Variants in TOGARAM2 observed in about 807,000 individuals in gnomAD.
TOGARAM2 encodes the protein TOG array regulator of axonemal microtubules protein 2.
In TOGARAM2, 85 loss-of-function variants were observed where a neutral mutation model predicts 93.3. The ratio of observed to expected loss-of-function variants is 0.91; its 90% CI spans 0.76 to 1.09. The LOEUF (loss-of-function observed/expected upper bound fraction) is 1.09, where lower values mean the gene tolerates loss of function less well. TOGARAM2 is among the 50% of genes least tolerant of loss of function. TOGARAM2 has a pLI of 0.00. For synonymous variants in TOGARAM2, 593 were observed against 552.8 expected, an observed-to-expected ratio of 1.07 and a Z score of -1.02; for missense variants, 1,277 against 1,334.5, an observed-to-expected ratio of 0.96 and a Z score of 0.67.
At position 29,027,439 on chromosome 2, in the gene TOGARAM2, T is replaced by C. The variant is rs1462480276; in HGVS notation, c.2012+428T>C. On this transcript the variant is annotated intron_variant, in intron 14 of 19. Transcript: ENST00000379558. ...AGGGAGACAGATAATAAATAAATAA[T>C]TATGGTAATTTTAGATACATATCAG... Among the ~76,000 whole-genome samples, 3 of 152,100 alleles carry C rather than the reference T, an allele frequency of 2.0e-5. No homozygotes were observed. The East Asian group carries it at 5.8e-4, about 29-fold the overall frequency.
chr2:29,036,420 C>A, intron 17 of TOGARAM2, 121 bp from the exon 18 acceptor site: 1 of 801,786 alleles, frequency 1.2e-6, no homozygotes, highest in Non-Finnish European at 2.0e-6. Flanking sequence ...AGGTCAGGGA[C>A]GCAGGAGGAG....
At chr2:29,022,532 G>A (rs957209608) in intron 11 of TOGARAM2, among the ~76,000 whole-genome samples, 3 of 152,194 alleles carry the variant, frequency 2.0e-5, no homozygotes, top group Admixed American at 1.3e-4. Flanking sequence ...TGTGCCCTGC[G>A]ACCCTCCAAG....
chr2:29,047,816 G>C (rs562967915), intron 19 of TOGARAM2: 1 of 152,010 alleles, frequency 6.6e-6, no homozygotes, highest in Non-Finnish European at 1.5e-5. Flanking sequence ...GTGTAAACAC[G>C]CCTCACTCTG....
At chr2:29,004,958 GTA>G (rs1491568478) in intron 6 of TOGARAM2, among the ~76,000 whole-genome samples, 3 of 134,804 alleles carry the variant, frequency 2.2e-5, no homozygotes, top group Non-Finnish European at 3.1e-5. Context: ...GTGTGCATGT[GTA>G]TGTGTGTGAG....
chr2:28,969,812 CTTT>C (rs66931912), intron 1 of TOGARAM2, among the ~76,000 whole-genome samples: 3 of 127,862 alleles, frequency 2.3e-5, no homozygotes, highest in Non-Finnish European at 3.2e-5. Flanking sequence ...GGTTGTCTTC[CTTT>C]TTTTTTTTTT....
rs530918435 is a variant in TOGARAM2, at chr2:28,974,736, C to T, written c.-147+18039C>T. 2.6e-5 allele frequency among the ~76,000 whole-genome samples: 4 copies of T among 152,164 alleles called. No individual in the cohort carries two copies. The South Asian group carries it at 8.3e-4, about 32-fold the overall frequency. Reference sequence around the variant, plus strand: ...TCAAGTGATTCTCCTGCCTCAGCCTCTTGAGTAGCTGGGATTATAGGCATG... The same window carrying T: ...TCAAGTGATTCTCCTGCCTCAGCCTTTTGAGTAGCTGGGATTATAGGCATG... On this transcript the variant is annotated intron_variant, in intron 1 of 6. Coordinates refer to the TOGARAM2 transcript ENST00000401723.
chr2:28,995,070 G>T (rs891826369), intron 2 of TOGARAM2, among the ~76,000 whole-genome samples: 1 of 152,250 alleles, frequency 6.6e-6, no homozygotes, highest in Non-Finnish European at 1.5e-5. Context: ...GCCTAAGGAG[G>T]TGCTTGGTGT....
upstream of TOGARAM2, among the ~76,000 whole-genome samples, chr2:28,978,095 C>T (rs1473381560): frequency 3.9e-5 from 6 of 152,072 alleles, no homozygotes; most frequent in Admixed American, 1.3e-4. Flanking sequence ...TTGGTAGAGA[C>T]GGGGTTTTAC....
At chr2:28,988,255 T>C (rs752169602) in intron 1 of TOGARAM2, among the ~76,000 whole-genome samples, 10 of 152,170 alleles carry the variant, frequency 6.6e-5, no homozygotes, top group Non-Finnish European at 1.5e-4. Context: ...AATGGTTTGG[T>C]TCTTCTAAAG....
chr2:28,969,429 G>A (rs890255179), intron 1 of TOGARAM2, among the ~76,000 whole-genome samples: 1 of 152,242 alleles, frequency 6.6e-6, no homozygotes, highest in East Asian at 1.9e-4. Context: ...TTTCCCAAAT[G>A]CAGAAGTTGG....
intron 1 of TOGARAM2, among the ~76,000 whole-genome samples, chr2:28,958,509 T>C (rs1671757230): frequency 6.6e-6 from 1 of 152,136 alleles, no homozygotes; most frequent in African/African-American, 2.4e-5. Context: ...TCTTGCTAAG[T>C]TGCCCAGATT....
chr2:29,009,218 A>G (rs1335189236), intron 6 of TOGARAM2, among the ~76,000 whole-genome samples: 2 of 152,164 alleles, frequency 1.3e-5, no homozygotes, highest in Non-Finnish European at 2.9e-5. Flanking sequence ...CGAGATGGAG[A>G]TGGAGGTGGA....
In TOGARAM2 at chr2:29,023,150, A is replaced by C; in HGVS notation, c.1576A>C (p.Thr526Pro). ...GGCAGCCTGTCACTCAGAGGTCCTC[A>C]CCGGGAAGCTGCACGACGTGTGCTT... Reference protein sequence around the residue: ...RLAACHSEVLTGKLHDVCLVV... With the variant: ...RLAACHSEVLPGKLHDVCLVV... The change falls in exon 12 of 20, where the codon ACC becomes CCC. Residue 526 changes from threonine to proline, a missense_variant. By Grantham distance (38) the Thr-to-Pro change is conservative. Coordinates refer to ENST00000379558, the MANE Select transcript of TOGARAM2 (RefSeq NM_199280.4). 2 of 1,601,266 alleles carry C rather than the reference A, an allele frequency of 1.2e-6. No homozygotes were observed. The highest frequency in any genetic ancestry group is 1.7e-6 in the Non-Finnish European group (2 of 1,174,036).
intron 7 of TOGARAM2, among the ~76,000 whole-genome samples, chr2:29,013,773 C>A (rs1470475559): frequency 6.6e-6 from 1 of 152,232 alleles, no homozygotes. Flanking sequence ...CCTCCTCTCC[C>A]AGTCCACTGA....
At chr2:28,969,174 T>C (rs1671910808) in intron 1 of TOGARAM2, among the ~76,000 whole-genome samples, 1 of 152,244 alleles carries the variant, frequency 6.6e-6, no homozygotes, top group Admixed American at 6.5e-5. Context: ...GGGAGGATTC[T>C]AGCTGGGCGT....
rs369405053 is a variant in TOGARAM2 at position 29,011,477 on chromosome 2, C to T, written c.853C>T (p.Arg285Trp). 1.2e-5 allele frequency: 19 copies of T among 1,607,204 alleles called. No homozygotes were observed. The highest frequency in any genetic ancestry group is 1.7e-4 in the Middle Eastern group (1 of 6,038). ...RTRLARGSGP[R>W]EKTPASLEPK... The stretch of plus-strand genomic sequence containing the variant: ...AAGATTGGCTCGGGGGAGTGGGCCT[C>T]GGGAGAAGACCCCTGCATCTCTGGG... The change falls in exon 7 of 20, where the codon CGG becomes TGG. Residue 285 changes from arginine to tryptophan, a missense_variant. Transcript: ENST00000379558.
chr2:29,022,093 G>C, intron 10 of TOGARAM2, 65 bp from the exon 11 acceptor site: 2 of 1,604,084 alleles, frequency 1.2e-6, no homozygotes, highest in Non-Finnish European at 8.5e-7. Context: ...GGTGGCAGGA[G>C]CGGCCACTCG....
At chr2:29,020,912 TG>T (rs1438840248) in intron 10 of TOGARAM2, among the ~76,000 whole-genome samples, 4 of 152,054 alleles carry the variant, frequency 2.6e-5, no homozygotes, top group African/African-American at 9.7e-5. Context: ...TTTTTTTGTT[TG>T]TTTGTTTTTT....
intron 7 of TOGARAM2, among the ~76,000 whole-genome samples, chr2:29,012,198 C>T (rs1664294600): frequency 6.6e-6 from 1 of 152,118 alleles, no homozygotes; most frequent in African/African-American, 2.4e-5. Flanking sequence ...AGCAGAACAC[C>T]CCGAACCCAG....
Sources: gnomAD v4.1 joint callset for allele counts (sites outside exome capture counted in the v4.1 genomes callset) on GRCh38, gnomAD v4.1.1 for gene constraint, MANE v1.5 for transcripts, NCBI Gene and HGNC (gene_info 2026-07-23, HGNC 2026-07-21) for gene names.